RRP1B: variants seen among roughly 807,000 people sequenced by gnomAD.
RRP1B encodes the protein ribosomal RNA processing 1B.
A neutral mutation model predicts 80.2 loss-of-function variants in RRP1B; 56 were observed. The observed-to-expected ratio is 0.70, with a 90% confidence interval of 0.56 to 0.87. The LOEUF is 0.87. Among genes scored for constraint, RRP1B ranks in the 40% least tolerant of loss-of-function variants. RRP1B has a pLI of 0.00. For synonymous variants in RRP1B, 351 were observed against 357.6 expected (o/e 0.98, Z 0.21); for missense variants, 807 against 939.8 (o/e 0.86, Z 1.85).
At chr21:43,682,366 T>G (rs1424258463) in intron 8 of RRP1B, among the ~76,000 whole-genome samples, 2 of 152,220 alleles carry the variant, frequency 1.3e-5, no homozygotes, top group Non-Finnish European at 2.9e-5. Context: ...ACTAATAAGC[T>G]TAGAGGGTTC....
chr21:43,684,638 A>G lies in RRP1B; in HGVS notation c.977A>G (p.Lys326Arg). 2 of 1,613,972 alleles carry G rather than the reference A, an allele frequency of 1.2e-6. No homozygotes were observed. Among genetic ancestry groups the G allele is most frequent in the Non-Finnish European group, 1.7e-6 (2 of 1,179,882 alleles). ...CACTTCAACAGGAAGCGCCTCTCCA[A>G]ACTCATCAAGAAGTCAGTAACTGGG... ...TPHFNRKRLS[K>R]LIKKFQDLSE... Residue 326 changes from lysine (K) to arginine (R), a missense_variant, in exon 10 of 16, where the codon AAA becomes AGA. By Grantham distance (26) the Lys-to-Arg change is conservative. Coordinates refer to ENST00000340648, the MANE Select transcript of RRP1B (RefSeq NM_015056.3).
At chr21:43,677,881 G>T (rs9977102) in intron 8 of RRP1B, among the ~76,000 whole-genome samples, 1 of 152,014 alleles carries the variant, frequency 6.6e-6, no homozygotes, top group African/African-American at 2.4e-5. Flanking sequence ...TGTATATTCC[G>T]CATTTTCTTT....
intron 2 of RRP1B, among the ~76,000 whole-genome samples, chr21:43,671,536 T>G (rs757213056): frequency 4.0e-5 from 6 of 151,628 alleles, no homozygotes; most frequent in African/African-American, 7.3e-5. Flanking sequence ...CCTGGCTAAT[T>G]TTTGTATTTT....
chr21:43,672,017 C>G (rs950492227), intron 2 of RRP1B, among the ~76,000 whole-genome samples: 1 of 152,168 alleles, frequency 6.6e-6, no homozygotes. Context: ...GAACTGATAA[C>G]TAATTTATTT....
chr21:43,674,586 CTTTT>C (rs33994751), intron 4 of RRP1B, 46 bp from the exon 5 acceptor site: 760 of 391,434 alleles, frequency 1.9e-3, no homozygotes, highest in Middle Eastern at 3.3e-3. Context: ...CTTACCTTTC[CTTTT>C]TTTTTTTTTT....
chr21:43,674,064 G>T, intron 4 of RRP1B, 109 bp downstream of exon 4: 1 of 778,214 alleles, frequency 1.3e-6, no homozygotes, highest in Non-Finnish European at 2.0e-6. Context: ...CACAGGCTTA[G>T]TGTGAAGGAA....
At chr21:43,663,257 C>G (rs558852139) in intron 1 of RRP1B, among the ~76,000 whole-genome samples, 1 of 152,190 alleles carries the variant, frequency 6.6e-6, no homozygotes, top group Admixed American at 6.5e-5. Flanking sequence ...ATGTTTACCT[C>G]GTTTGTTTTG....
intron 8 of RRP1B, 152 bp downstream of exon 8, chr21:43,677,066 G>A: frequency 4.0e-6 from 3 of 748,474 alleles, no homozygotes; most frequent in South Asian, 1.9e-5. Flanking sequence ...GCAGAGGTGG[G>A]TTCATTGTGC....
intron 6 of RRP1B, among the ~76,000 whole-genome samples, chr21:43,675,988 T>G (rs1468161921): frequency 6.6e-6 from 1 of 152,096 alleles, no homozygotes; most frequent in Admixed American, 6.6e-5. Flanking sequence ...GTCACAAGAT[T>G]GGACACCCGT....
chr21:43,663,773 G>A (rs2082967537), intron 1 of RRP1B, among the ~76,000 whole-genome samples: 1 of 152,060 alleles, frequency 6.6e-6, no homozygotes, highest in Non-Finnish European at 1.5e-5. Context: ...TGATGGCCAG[G>A]CTGGTCTTGA....
chr21:43,691,578 C>A lies in RRP1B; in HGVS notation c.2083+76C>A. On this transcript the variant is annotated intron_variant, in intron 15 of 15. Coordinates refer to ENST00000340648, the MANE Select transcript of RRP1B (RefSeq NM_015056.3). The surrounding 1 kb of genome is among the most constrained non-coding windows in gnomAD (Gnocchi z 4.2). ...CCTGGCGCGGCTCGCAGCCTGGTTCCACAAGGCGGTCGGGGAAGAGGGGGG... is the reference window on the plus strand; with the variant it reads ...CCTGGCGCGGCTCGCAGCCTGGTTCAACAAGGCGGTCGGGGAAGAGGGGGG... 7.6e-7 allele frequency: 1 copy of A among 1,316,058 alleles called. No homozygotes were observed. The highest frequency in any genetic ancestry group is 1.1e-6 in the Non-Finnish European group (1 of 912,068). 81.5% of individuals were successfully genotyped at this position (1,316,058 alleles called of 1,614,324 possible). A position where few individuals can be genotyped will look rare whatever the true frequency, so the allele number is the denominator to read the frequency against.
At position 43,695,786 on chromosome 21, in the gene RRP1B, G is replaced by A. The variant is rs2083104884; in HGVS notation, c.*2403G>A. 6.6e-6 allele frequency: 1 copy of A among 152,048 alleles called. No individual in the cohort carries two copies. The highest frequency in any genetic ancestry group is 6.6e-5 in the Admixed American group (1 of 15,260). 9.4% of individuals were successfully genotyped at this position (152,048 alleles called of 1,614,324 possible). ...AAAATGATGCTTCCCCCTTCTCCAT[G>A]GTCTAGTCAATTTTGTACAATTAGG... On this transcript the variant is annotated 3_prime_UTR_variant, in exon 16 of 16. Coordinates refer to ENST00000340648, the MANE Select transcript of RRP1B (RefSeq NM_015056.3).
At chr21:43,680,344 G>A (rs1226139671) in intron 8 of RRP1B, among the ~76,000 whole-genome samples, 1 of 152,122 alleles carries the variant, frequency 6.6e-6, no homozygotes, top group South Asian at 2.1e-4. Flanking sequence ...TGGATTACGA[G>A]GTCAGGAGTT....
At chr21:43,676,669 CT>C (rs2083023899) in intron 7 of RRP1B, 63 bp from the exon 8 acceptor site, 1 of 1,463,146 alleles carries the variant, frequency 6.8e-7, no homozygotes, top group South Asian at 1.2e-5. Flanking sequence ...CTCTGTGCCC[CT>C]GAAGCCAGAA....
chr21:43,682,842 T>A (rs964209614), intron 8 of RRP1B, among the ~76,000 whole-genome samples: 1 of 152,248 alleles, frequency 6.6e-6, no homozygotes, highest in African/African-American at 2.4e-5. Context: ...TATAAATGGC[T>A]TTGCAGAGTT....
chr21:43,677,018 A>G (rs1430173030), intron 8 of RRP1B, 104 bp downstream of exon 8: 3 of 1,141,060 alleles, frequency 2.6e-6, no homozygotes, highest in Admixed American at 4.6e-5. Flanking sequence ...TGCAACCTAG[A>G]GTTGATGGCT....
At position 43,687,664 on chromosome 21, in the gene RRP1B, G is replaced by A; in HGVS notation, c.1290G>A (p.Glu430=). The stretch of plus-strand genomic sequence containing the variant: ...CCCTGGAACAGAACCGGGGCAGGGA[G>A]CCCGAGGCCTCTGGGCTGAAAGCCC... ...APSLEQNRGR[E]PEASGLKALK... is the part of the protein sequence containing the mutation. The change falls in exon 13 of 16, where the codon GAG becomes GAA. Residue 430 remains glutamate, a synonymous_variant. Transcript: ENST00000340648. 1 of 1,591,418 alleles carries A rather than the reference G, an allele frequency of 6.3e-7. No individual in the cohort carries two copies. Among genetic ancestry groups the A allele is most frequent in the African/African-American group, 1.3e-5 (1 of 74,394 alleles).
chr21:43,674,643 G>C lies in RRP1B; in HGVS notation c.365G>C (p.Arg122Pro). ...AAAATTGCCTTTCTTTAGCTGATTCGTCTGGTCCTGAGGCAGTCCTTTGAA... is the reference window on the plus strand; with the variant it reads ...AAAATTGCCTTTCTTTAGCTGATTCCTCTGGTCCTGAGGCAGTCCTTTGAA... ...LRLDKYYMLI[R>P]LVLRQSFEVL... Residue 122 changes from arginine to proline, a missense_variant, in exon 5 of 16, where the codon CGT becomes CCT. Transcript: ENST00000340648. 1 of 1,220,196 alleles carries C rather than the reference G, an allele frequency of 8.2e-7. No individual in the cohort carries two copies. Among genetic ancestry groups the C allele is most frequent in the Non-Finnish European group, 1.1e-6 (1 of 950,424 alleles). The allele number at this position is 1,220,196 out of a possible 1,614,324, so 75.6% of individuals were successfully genotyped here.
intron 1 of RRP1B, among the ~76,000 whole-genome samples, chr21:43,665,554 G>A (rs1217867891): frequency 1.3e-5 from 2 of 152,118 alleles, no homozygotes; most frequent in African/African-American, 2.4e-5. Flanking sequence ...TTATTTATTT[G>A]TTTATTTTTT....
Sources: allele counts gnomAD v4.1 joint callset (sites outside exome capture counted in the v4.1 genomes callset), GRCh38; gene constraint gnomAD v4.1.1; non-coding constraint Gnocchi (gnomAD v3.1); transcripts MANE v1.5; gene names NCBI Gene and HGNC (gene_info 2026-07-23, HGNC 2026-07-21).